CCDC30: variants seen among roughly 807,000 people sequenced by gnomAD.
CCDC30 encodes the protein coiled-coil domain containing 30.
In CCDC30, 70 loss-of-function variants were observed where a neutral mutation model predicts 100.2. That is an observed-to-expected ratio of 0.70 (90% CI 0.58 to 0.85). The LOEUF is 0.85. Among genes scored for constraint, CCDC30 ranks in the 40% least tolerant of loss-of-function variants. CCDC30 has a pLI of 0.00. For synonymous variants in CCDC30, 233 were observed against 269.5 expected (o/e 0.86, Z 1.33); for missense variants, 652 against 771.2 (o/e 0.85, Z 1.83).
chr1:42,650,300 G>A (rs1352130592), intron 15 of CCDC30, among the ~76,000 whole-genome samples: 1 of 151,814 alleles, frequency 6.6e-6, no homozygotes, highest in Non-Finnish European at 1.5e-5. Flanking sequence ...TTGTACCCAG[G>A]AGTTCAAGAC....
chr1:42,558,180 C>T (rs1045900109), intron 6 of CCDC30: 15 of 249,604 alleles, frequency 6.0e-5, no homozygotes, highest in Admixed American at 3.2e-4. Context: ...AACTACTGTT[C>T]TGGTTTTTCC....
Position 42,644,702 on chromosome 1 carries a change from C to A in CCDC30, c.1566C>A (p.Tyr522Ter). ...TTTATGCCATTCTTAGGGTACTTTA[C>A]ATGGATAAAGAAAATAAGCAATTAC... Residue 522 changes from tyrosine to a stop codon, truncating the protein, a stop_gained, in exon 14 of 17, where the codon TAC (tyrosine) becomes TAA (stop). Transcript: ENST00000668663. LOFTEE classifies it high-confidence loss of function. 1 of 1,597,730 alleles carries A rather than the reference C, an allele frequency of 6.3e-7. No homozygotes were observed. The highest frequency in any genetic ancestry group is 8.6e-7 in the Non-Finnish European group (1 of 1,165,540).
chr1:42,559,016 A>G (rs913203114), intron 6 of CCDC30, among the ~76,000 whole-genome samples: 4 of 152,198 alleles, frequency 2.6e-5, no homozygotes, highest in African/African-American at 9.7e-5. Flanking sequence ...AGAATTTTCA[A>G]CCCAGAATTT....
At chr1:42,500,891 C>T (rs1055603552) in intron 6 of CCDC30, among the ~76,000 whole-genome samples, 1 of 152,090 alleles carries the variant, frequency 6.6e-6, no homozygotes, top group East Asian at 1.9e-4. Flanking sequence ...TACACCTGGC[C>T]AAGAGTTCTT....
At position 42,649,969 on chromosome 1, in the gene CCDC30, T is replaced by C. The variant is rs1648192815; in HGVS notation, c.1855-3407T>C. On this transcript the variant is annotated intron_variant, in intron 15 of 16. Coordinates refer to ENST00000668663, the Ensembl canonical transcript of CCDC30. ...AGAAAATACGATAAATGAAAAGATA[T>C]TAATGTTCATGAATCGAAAGAATTA... Among the ~76,000 whole-genome samples the C allele has an allele frequency of 2.0e-5, 3 of 152,192 alleles. 1 individual carries two copies. In the South Asian group the frequency reaches 6.2e-4, roughly 32 times the overall value.
chr1:42,651,746 C>T (rs972465034), intron 15 of CCDC30, among the ~76,000 whole-genome samples: 2 of 152,008 alleles, frequency 1.3e-5, no homozygotes, highest in African/African-American at 2.4e-5. Flanking sequence ...TGGTGGTGTG[C>T]ACCTGTGGTT....
chr1:42,576,998 C>T, intron 7 of CCDC30, 22 bp from the exon 12 acceptor site: 1 of 1,548,134 alleles, frequency 6.5e-7, no homozygotes, highest in East Asian at 2.3e-5. Context: ...TTGTATTACT[C>T]TTACTTATTC....
chr1:42,521,543 T>C (rs1348409698), intron 6 of CCDC30, among the ~76,000 whole-genome samples: 1 of 152,198 alleles, frequency 6.6e-6, no homozygotes. Context: ...CTGTTGGTTA[T>C]AGCATCTTGT....
chr1:42,654,076 C>A, exon 17 of CCDC30: 1 of 1,390,340 alleles, frequency 7.2e-7, no homozygotes, highest in Non-Finnish European at 1.0e-6. Context: ...TAATTTAAAG[C>A]CTGGACAAAA....
At chr1:42,627,516 A>G (rs1393790807) in intron 11 of CCDC30, among the ~76,000 whole-genome samples, 1 of 152,210 alleles carries the variant, frequency 6.6e-6, no homozygotes, top group African/African-American at 2.4e-5. Context: ...AAATGTCTCC[A>G]GGCCATGTCA....
Position 42,613,706 on chromosome 1 carries a change from T to C in CCDC30, c.1277+2616T>C, listed in dbSNP as rs114500307. 6.9e-3 allele frequency among the ~76,000 whole-genome samples: 1,056 copies of C among 152,302 alleles called. 21 individuals are homozygous for C. Among genetic ancestry groups the C allele is most frequent in the African/African-American group, 0.024 (992 of 41,560 alleles). On this transcript the variant is annotated intron_variant, in intron 11 of 16. Coordinates refer to ENST00000668663, the Ensembl canonical transcript of CCDC30. ...AAGTGTCTTTTATCATGCTAATACATTATAATTAGCATATAATGGGGAGTG... is the reference window on the plus strand; with the variant it reads ...AAGTGTCTTTTATCATGCTAATACACTATAATTAGCATATAATGGGGAGTG...
At chr1:42,593,577 G>A (rs1018050693) in intron 10 of CCDC30, 1 of 152,078 alleles carries the variant, frequency 6.6e-6, no homozygotes, top group Non-Finnish European at 1.5e-5. Flanking sequence ...GTCTGGATGA[G>A]CCTGAAAGTT....
chr1:42,588,995 G>A (rs930843338), intron 9 of CCDC30, among the ~76,000 whole-genome samples: 2 of 152,096 alleles, frequency 1.3e-5, no homozygotes, highest in African/African-American at 2.4e-5. Context: ...AACTCGTAAA[G>A]CAGTAAGGAA....
intron 11 of CCDC30, among the ~76,000 whole-genome samples, chr1:42,618,478 C>T (rs1378909886): frequency 6.6e-6 from 1 of 152,116 alleles, no homozygotes; most frequent in Non-Finnish European, 1.5e-5. Context: ...TCAGGTGATC[C>T]ACCTGCTTCG....
intron 1 of CCDC30, among the ~76,000 whole-genome samples, chr1:42,467,284 G>A (rs1302322428): frequency 2.6e-5 from 4 of 152,208 alleles, no homozygotes; most frequent in African/African-American, 4.8e-5. Context: ...TGCTGAGAAT[G>A]GATTGGATGA....
At chr1:42,630,863 T>A (rs1010644889) in intron 11 of CCDC30, among the ~76,000 whole-genome samples, 2 of 152,210 alleles carry the variant, frequency 1.3e-5, no homozygotes, top group Admixed American at 6.5e-5. Context: ...AATTCTGAAT[T>A]CATTCTCTGT....
intron 10 of CCDC30, among the ~76,000 whole-genome samples, chr1:42,599,959 A>G (rs373266376): frequency 1.3e-5 from 2 of 152,164 alleles, no homozygotes; most frequent in South Asian, 2.1e-4. Context: ...CACATCTTAC[A>G]TGGCTGGAGA....
intron 6 of CCDC30, among the ~76,000 whole-genome samples, chr1:42,519,404 T>A (rs1268746294): frequency 6.6e-6 from 1 of 152,204 alleles, no homozygotes; most frequent in African/African-American, 2.4e-5. Context: ...AATGAAGCCA[T>A]CAGATCTAGG....
chr1:42,509,651 A>G (rs139802136), intron 6 of CCDC30, among the ~76,000 whole-genome samples: 27 of 152,334 alleles, frequency 1.8e-4, no homozygotes, highest in African/African-American at 6.3e-4. Context: ...GGCTTGATCA[A>G]CAGGCTTATG....
Sources: gnomAD v4.1 joint callset for allele counts (sites outside exome capture counted in the v4.1 genomes callset) on GRCh38, gnomAD v4.1.1 for gene constraint, MANE v1.5 for transcripts, NCBI Gene and HGNC (gene_info 2026-07-23, HGNC 2026-07-21) for gene names.